The following HOXD3 variants were observed in gnomAD, a reference collection of about 807,000 sequenced individuals.
The protein encoded by HOXD3 is homeobox protein Hox-D3.
In HOXD3, 13 loss-of-function variants were observed where a neutral mutation model predicts 32.8. The ratio of observed to expected loss-of-function variants is 0.40; its 90% confidence interval spans 0.26 to 0.63. HOXD3 has a LOEUF of 0.63. HOXD3 is among the 20% of genes least tolerant of loss of function. The pLI, the probability that HOXD3 is intolerant of heterozygous loss-of-function variation, is 0.44. For synonymous variants in HOXD3, 241 were observed against 246.8 expected, an observed-to-expected ratio of 0.98 and a Z score of 0.22; for missense variants, 504 against 577.1, an observed-to-expected ratio of 0.87 and a Z score of 1.30.
chr2:176,155,737 A>G (rs1028752318), upstream of HOXD3, among the ~76,000 whole-genome samples: 7 of 152,192 alleles, frequency 4.6e-5, no homozygotes, highest in Non-Finnish European at 1.0e-4. Flanking sequence ...ATTTGTTTCC[A>G]GTTTGTTCCT....
chr2:176,170,740 C>T (rs962946841), intron 3 of HOXD3, among the ~76,000 whole-genome samples: 2 of 152,000 alleles, frequency 1.3e-5, no homozygotes, highest in African/African-American at 4.8e-5. Flanking sequence ...GCCCTCCCTC[C>T]CAGGAGAAAT....
In HOXD3 at chr2:176,170,166, A is replaced by AGAT. The variant is rs111675637; in HGVS notation, c.541+512_541+514dup. On this transcript the variant is annotated intron_variant, in intron 3 of 3. Coordinates refer to ENST00000683222, the MANE Select transcript of HOXD3 (RefSeq NM_006898.5). ...GTATATGATAACATCCCCATTTTAC[A>AGAT]GATAAGAAAACTGTTAGAGAGGATA... is the stretch of plus-strand genomic sequence containing the variant. 1.6e-4 allele frequency among the ~76,000 whole-genome samples: 24 copies of AGAT among 152,364 alleles called. 4 individuals carry two copies. Among genetic ancestry groups the AGAT allele is most frequent in the African/African-American group, 5.5e-4 (23 of 41,586 alleles).
At chr2:176,161,813 T>G (rs1690813898) in intron 1 of HOXD3, among the ~76,000 whole-genome samples, 1 of 152,232 alleles carries the variant, frequency 6.6e-6, no homozygotes, top group Non-Finnish European at 1.5e-5. Flanking sequence ...TTCTAGGTCC[T>G]TCTCCCCAAA....
chr2:176,169,055 C>A lies in HOXD3; in HGVS notation c.-60C>A, dbSNP rs1421078603. ...GGTCACCTGGAGCCTGGGGGCCGGC[C>A]CAGCTCTCTCAGGATTCAGCAGACA... On this transcript the variant is annotated 5_prime_UTR_variant, in exon 3 of 4. Transcript: ENST00000683222. 2 of 1,539,858 alleles carry A rather than the reference C, an allele frequency of 1.3e-6. No homozygotes were observed. The highest frequency in any genetic ancestry group is 2.7e-5 in the African/African-American group (2 of 72,778).
At chr2:176,161,206 C>T (rs1475902647) in intron 1 of HOXD3, 1 of 152,180 alleles carries the variant, frequency 6.6e-6, no homozygotes, top group African/African-American at 2.4e-5. Flanking sequence ...GGTGAGGCAG[C>T]CCGCGTAGAC....
At chr2:176,152,641 G>A (rs746435417), upstream of HOXD3, 2 of 1,614,128 alleles carry the variant, frequency 1.2e-6, no homozygotes, top group South Asian at 2.2e-5. This position sits in a 1 kb window ranked among gnomAD's most constrained non-coding sequence, Gnocchi z 5.2. Context: ...GAACCCAAGC[G>A]GTCCCGAACG....
chr2:176,169,745 G>T (rs1691111966), intron 3 of HOXD3, 90 bp downstream of exon 3: 2 of 1,447,842 alleles, frequency 1.4e-6, no homozygotes, highest in African/African-American at 1.4e-5. Context: ...CAACCTTGGA[G>T]GTCATATGTC....
intron 1 of HOXD3, among the ~76,000 whole-genome samples, chr2:176,160,135 G>A (rs2857539): frequency 0.26 from 39,423 of 152,084 alleles, 5,474 homozygotes; most frequent in Non-Finnish European, 0.31. Context: ...GGCCGGAGCG[G>A]GTCCTCGCCC....
Position 176,172,861 on chromosome 2 carries a change from T to C in HOXD3, c.*587T>C, listed in dbSNP as rs1376924961. The C allele has an allele frequency of 6.5e-6, 1 of 153,226 alleles. No individual in the cohort carries two copies. Among genetic ancestry groups the C allele is most frequent in the African/African-American group, 2.4e-5 (1 of 41,474 alleles). 9.5% of individuals were successfully genotyped at this position (153,226 alleles called of 1,614,324 possible). A position where few individuals can be genotyped will look rare whatever the true frequency, so the allele number is the denominator to read the frequency against. On this transcript the variant is annotated 3_prime_UTR_variant, in exon 4 of 4. Transcript: ENST00000683222. ...CCACATTTCACCTCCTTAGTCCCCCTGGTCTGAACTAGTTGAGAGAGTAGT... is the reference window on the plus strand; with the variant it reads ...CCACATTTCACCTCCTTAGTCCCCCCGGTCTGAACTAGTTGAGAGAGTAGT...
At chr2:176,169,775 A>G (rs1691113170) in intron 3 of HOXD3, 120 bp downstream of exon 3, 5 of 1,275,734 alleles carry the variant, frequency 3.9e-6, no homozygotes, top group African/African-American at 3.0e-5. Context: ...ACTCACGTCA[A>G]AATGTTCTTT....
chr2:176,162,710 C>G (rs1690846965), intron 1 of HOXD3, among the ~76,000 whole-genome samples: 2 of 152,114 alleles, frequency 1.3e-5, no homozygotes, highest in African/African-American at 4.8e-5. Context: ...CACCGCGCAC[C>G]CCGGAACCCC....
At chr2:176,166,701 A>T (rs1198185531) in intron 2 of HOXD3, among the ~76,000 whole-genome samples, 1 of 152,242 alleles carries the variant, frequency 6.6e-6, no homozygotes, top group Non-Finnish European at 1.5e-5. Flanking sequence ...ACAATAATGG[A>T]AACAATTTCT....
upstream of HOXD3, among the ~76,000 whole-genome samples, chr2:176,155,288 C>T (rs188929141): frequency 1.2e-4 from 19 of 152,190 alleles, no homozygotes; most frequent in Admixed American, 1.2e-3. Context: ...AGATTTTCCC[C>T]CACCTCAGAA....
chr2:176,155,850 G>A (rs1690633546), upstream of HOXD3, among the ~76,000 whole-genome samples: 1 of 152,162 alleles, frequency 6.6e-6, no homozygotes, highest in South Asian at 2.1e-4. Flanking sequence ...TGTTTGCTGA[G>A]GACATTGCTC....
chr2:176,170,129 C>G (rs773233762), intron 3 of HOXD3, among the ~76,000 whole-genome samples: 8 of 152,168 alleles, frequency 5.3e-5, no homozygotes, highest in Non-Finnish European at 1.2e-4. Flanking sequence ...TTCAAAGAAC[C>G]TTTTGAGGTA....
intron 1 of HOXD3, among the ~76,000 whole-genome samples, chr2:176,163,198 GGCTGCGC>G (rs1690860755): frequency 2.0e-5 from 3 of 152,234 alleles, no homozygotes; most frequent in Admixed American, 6.5e-5. Flanking sequence ...AAAGGCTTAT[GGCTGCGC>G]GCTTTAGTCT....
intron 3 of HOXD3, 57 bp from the exon 4 acceptor site, chr2:176,171,460 G>C: frequency 6.8e-7 from 1 of 1,476,966 alleles, no homozygotes; most frequent in Non-Finnish European, 9.1e-7. Flanking sequence ...CCCCTCTCCA[G>C]TCCTGAGGGT....
In HOXD3 at chr2:176,172,589, G is replaced by T; in HGVS notation, c.*315G>T. ...GGTAAGTCTGAGACCCATCAGCGGC[G>T]CGCCCTGCAGAGGGACCAGAGCTTG... On this transcript the variant is annotated 3_prime_UTR_variant, in exon 4 of 4. Coordinates refer to ENST00000683222, the MANE Select transcript of HOXD3 (RefSeq NM_006898.5). 3.0e-6 allele frequency: 1 copy of T among 337,374 alleles called. No homozygotes were observed. The highest frequency in any genetic ancestry group is 5.4e-6 in the Non-Finnish European group (1 of 185,490). 20.9% of individuals were successfully genotyped at this position (337,374 alleles called of 1,614,324 possible). A position where few individuals can be genotyped will look rare whatever the true frequency, so the allele number is the denominator to read the frequency against.
Sources: allele counts gnomAD v4.1 joint callset (sites outside exome capture counted in the v4.1 genomes callset), GRCh38; gene constraint gnomAD v4.1.1; non-coding constraint Gnocchi (gnomAD v3.1); transcripts MANE v1.5; gene names NCBI Gene and HGNC (gene_info 2026-07-23, HGNC 2026-07-21).